DOCK2: variants seen among roughly 807,000 people sequenced by gnomAD.
DOCK2 encodes the protein dedicator of cytokinesis 2.
DOCK2 carries 87 observed loss-of-function variants against 248.9 expected under a neutral mutation model. The observed-to-expected ratio is 0.35, with a 90% CI of 0.29 to 0.42. The LOEUF is 0.42. DOCK2 is among the 10% of genes least tolerant of loss of function. The pLI, the probability that DOCK2 is intolerant of heterozygous loss-of-function variation, is 1.00. For synonymous variants in DOCK2, 805 were observed against 821.6 expected (o/e 0.98, Z 0.35); for missense variants, 1,747 against 2,300.2 (o/e 0.76, Z 4.92).
chr5:169,838,074 G>T (rs1240961594), intron 26 of DOCK2, among the ~76,000 whole-genome samples: 1 of 152,072 alleles, frequency 6.6e-6, no homozygotes, highest in Non-Finnish European at 1.5e-5. Flanking sequence ...TAAGGGAGGG[G>T]GAATACATAG....
intron 2 of DOCK2, among the ~76,000 whole-genome samples, chr5:169,663,026 A>G (rs1758530366): frequency 6.6e-6 from 1 of 152,226 alleles, no homozygotes. Context: ...AATCAAAACA[A>G]CAAGTCAGTT....
intron 27 of DOCK2, among the ~76,000 whole-genome samples, chr5:169,900,449 T>C (rs1773857981): frequency 6.6e-6 from 1 of 152,172 alleles, no homozygotes; most frequent in South Asian, 2.1e-4. Context: ...TAGTGGCAAA[T>C]GTCAGGAGAA....
intron 27 of DOCK2, among the ~76,000 whole-genome samples, chr5:169,906,193 G>A (rs759349952): frequency 6.6e-5 from 10 of 152,166 alleles, no homozygotes; most frequent in Non-Finnish European, 1.5e-4. Flanking sequence ...GCCCGGGGCC[G>A]TGGATAGTCA....
At chr5:169,709,837 C>T (rs1761479355) in intron 15 of DOCK2, among the ~76,000 whole-genome samples, 1 of 152,200 alleles carries the variant, frequency 6.6e-6, no homozygotes, top group African/African-American at 2.4e-5. Flanking sequence ...TCTTAGAGCC[C>T]TTGAGATGTA....
chr5:170,031,910 G>A (rs13158976), intron 34 of DOCK2, among the ~76,000 whole-genome samples: 36,810 of 152,138 alleles, frequency 0.24, 4,937 homozygotes, highest in East Asian at 0.5. Flanking sequence ...GAGATTGTTA[G>A]TAAGGCAGCT....
intron 27 of DOCK2, among the ~76,000 whole-genome samples, chr5:169,932,613 G>A (rs147847218): frequency 6.6e-6 from 1 of 152,232 alleles, no homozygotes; most frequent in Non-Finnish European, 1.5e-5. Context: ...GGGCCAGGCT[G>A]GATTTGTATG....
intron 27 of DOCK2, among the ~76,000 whole-genome samples, chr5:169,915,557 A>AACACACAC (rs56728646): frequency 5.1e-4 from 73 of 143,486 alleles, no homozygotes; most frequent in Middle Eastern, 3.5e-3. Flanking sequence ...ATTGACAGGG[A>AACACACAC]ACACACACAC....
chr5:169,646,342 A>G (rs754744986), intron 1 of DOCK2, among the ~76,000 whole-genome samples: 2 of 152,196 alleles, frequency 1.3e-5, no homozygotes, highest in Non-Finnish European at 2.9e-5. Flanking sequence ...TACATTTACA[A>G]AGCCCTTGTG....
intron 25 of DOCK2, among the ~76,000 whole-genome samples, chr5:169,786,197 C>T (rs1382012365): frequency 6.6e-6 from 1 of 152,160 alleles, no homozygotes; most frequent in Non-Finnish European, 1.5e-5. Context: ...TTAATTTCTA[C>T]AGCACCTCAT....
chr5:169,853,435 C>G (rs1770716618), intron 27 of DOCK2, among the ~76,000 whole-genome samples: 1 of 152,212 alleles, frequency 6.6e-6, no homozygotes, highest in African/African-American at 2.4e-5. Flanking sequence ...CCTTCAAAAT[C>G]AAAACCCATT....
At chr5:169,706,836 A>G (rs1730462098) in intron 14 of DOCK2, among the ~76,000 whole-genome samples, 1 of 152,210 alleles carries the variant, frequency 6.6e-6, no homozygotes, top group Admixed American at 6.5e-5. Flanking sequence ...TCGGAAGCAC[A>G]AGGGGAGATT....
At chr5:169,855,190 T>G (rs1350813877) in intron 27 of DOCK2, among the ~76,000 whole-genome samples, 1 of 152,206 alleles carries the variant, frequency 6.6e-6, no homozygotes, top group Non-Finnish European at 1.5e-5. Context: ...ATAAATGAGA[T>G]AATGCAGGCA....
At chr5:169,768,160 G>A (rs113737455) in intron 25 of DOCK2, among the ~76,000 whole-genome samples, 75 of 152,116 alleles carry the variant, frequency 4.9e-4, no homozygotes, top group South Asian at 4.2e-3. Context: ...CCCACGGTCC[G>A]TTGGCCAGAA....
intron 27 of DOCK2, among the ~76,000 whole-genome samples, chr5:169,912,689 A>T (rs60709261): frequency 0.019 from 2,846 of 152,200 alleles, 88 homozygotes; most frequent in African/African-American, 0.066. Context: ...CCCATAATGT[A>T]TGAAGGTAGT....
At chr5:169,989,601 G>C (rs868840343) in intron 29 of DOCK2, among the ~76,000 whole-genome samples, 2 of 152,196 alleles carry the variant, frequency 1.3e-5, no homozygotes, top group Non-Finnish European at 2.9e-5. Context: ...AGCTGCAGTT[G>C]CTGTCATGAA....
intron 39 of DOCK2, among the ~76,000 whole-genome samples, chr5:170,046,776 A>C (rs1213604323): frequency 6.6e-6 from 1 of 151,992 alleles, no homozygotes; most frequent in Non-Finnish European, 1.5e-5. Context: ...ACATACACAC[A>C]CACACACACA....
chr5:169,748,501 C>T (rs552035904), intron 23 of DOCK2, among the ~76,000 whole-genome samples: 2 of 152,298 alleles, frequency 1.3e-5, no homozygotes, highest in South Asian at 4.1e-4. Context: ...AGTTTGAGAA[C>T]CACTCTGCTG....
At chr5:169,662,682 A>G (rs984781304) in intron 2 of DOCK2, among the ~76,000 whole-genome samples, 2 of 152,206 alleles carry the variant, frequency 1.3e-5, no homozygotes, top group African/African-American at 4.8e-5. Flanking sequence ...GAAGTGCCAT[A>G]CGTTTAAACC....
intron 27 of DOCK2, among the ~76,000 whole-genome samples, chr5:169,982,205 A>C (rs4867907): frequency 1.3e-5 from 2 of 152,092 alleles, no homozygotes; most frequent in Non-Finnish European, 2.9e-5. Context: ...AGACAGTCAA[A>C]AATGACTTCT....
Sources: gnomAD v4.1 joint callset for allele counts (sites outside exome capture counted in the v4.1 genomes callset) on GRCh38, gnomAD v4.1.1 for gene constraint, MANE v1.5 for transcripts, NCBI Gene and HGNC (gene_info 2026-07-23, HGNC 2026-07-21) for gene names.